The following VPS37B variants were observed in gnomAD, a reference collection of about 807,000 sequenced individuals.
The protein encoded by VPS37B is vacuolar protein sorting-associated protein 37B.
Under a neutral mutation model 21.2 loss-of-function variants are expected in VPS37B, and 11 were observed. The ratio of observed to expected loss-of-function variants is 0.52; its 90% CI spans 0.33 to 0.86. VPS37B has a LOEUF of 0.86. Among genes scored for constraint, VPS37B ranks in the 40% least tolerant of loss-of-function variants. The pLI is 0.03. For missense variants in VPS37B, 389 were observed against 374.8 expected (o/e 1.04, Z -0.31); for synonymous variants, 175 against 159.6 (o/e 1.10, Z -0.73).
At chr12:122,874,883 G>C (rs1478242027) in intron 1 of VPS37B, 1 of 146,300 alleles carries the variant, frequency 6.8e-6, no homozygotes, top group African/African-American at 2.5e-5. Context: ...GGAGGCAGAG[G>C]TTGCAGTGAG....
chr12:122,876,043 A>G (rs1320161105), intron 1 of VPS37B: 1 of 152,188 alleles, frequency 6.6e-6, no homozygotes, highest in Admixed American at 6.5e-5. Context: ...ACTCAGTTTC[A>G]CTTCAGTTTC....
chr12:122,888,953 T>A (rs374309824), intron 1 of VPS37B: 3 of 193,492 alleles, frequency 1.6e-5, no homozygotes, highest in East Asian at 1.5e-4. Flanking sequence ...CCGGCCTCAA[T>A]GACTCCCTCC....
At chr12:122,886,332 C>G (rs1346227917) in intron 1 of VPS37B, 1 of 152,222 alleles carries the variant, frequency 6.6e-6, no homozygotes, top group Non-Finnish European at 1.5e-5. Context: ...AGAAACAAAA[C>G]CTCTCTTGGC....
intron 1 of VPS37B, among the ~76,000 whole-genome samples, chr12:122,893,464 T>C (rs2034445289): frequency 4.4e-5 from 1 of 22,632 alleles, no homozygotes; most frequent in Admixed American, 6.5e-4. Flanking sequence ...AATGTTCCAT[T>C]TGGTCAACAG....
intron 1 of VPS37B, chr12:122,871,715 G>A (rs981907604): frequency 1.2e-5 from 12 of 984,070 alleles, no homozygotes; most frequent in African/African-American, 1.7e-5. Flanking sequence ...ATTTCATTTT[G>A]TCCTTTAAAG....
chr12:122,891,331 C>G (rs2034407692), intron 1 of VPS37B, among the ~76,000 whole-genome samples: 1 of 152,212 alleles, frequency 6.6e-6, no homozygotes, highest in South Asian at 2.1e-4. Context: ...TGAATGCTTC[C>G]TCTGTACCAT....
intron 1 of VPS37B, among the ~76,000 whole-genome samples, chr12:122,893,823 CAAAAAA>C (rs67994180): frequency 0.33 from 44,637 of 135,078 alleles, 7,884 homozygotes; most frequent in East Asian, 0.54. Context: ...CACTTTTACT[CAAAAAA>C]AAAAAAAAAA....
intron 1 of VPS37B, chr12:122,881,814 A>G (rs2135707190): frequency 6.6e-6 from 1 of 152,332 alleles, no homozygotes; most frequent in Middle Eastern, 3.4e-3. Flanking sequence ...TTTTAAAAAA[A>G]CCTTTTATAG....
At chr12:122,874,534 G>GA (rs1464359222) in intron 1 of VPS37B, 1 of 152,184 alleles carries the variant, frequency 6.6e-6, no homozygotes, top group African/African-American at 2.4e-5. Context: ...AGAACACAAG[G>GA]AAAGCGTGGA....
rs766449712 is a variant in VPS37B, at chr12:122,871,098, A to G, written c.112-37T>C. The G allele has an allele frequency of 3.1e-6, 5 of 1,607,952 alleles. No homozygotes were observed. The African/African-American group carries it at 4.0e-5, about 13-fold the overall frequency. ...ACACAAGATGATGAGAACCAAAAGT[A>G]TATCAGCTCCTAAACCCCTGAGGTC... On this transcript the variant is annotated intron_variant, in intron 1 of 3. Transcript: ENST00000267202.
chr12:122,868,671 A>G lies in VPS37B; in HGVS notation c.284-109T>C. ...CTTCCTTTCCAGGAAGCTGAATGTG[A>G]AAGGCTTGAAAACCTACAGGGGAAC... On this transcript the variant is annotated intron_variant, in intron 2 of 3. Coordinates refer to ENST00000267202, the MANE Select transcript of VPS37B (RefSeq NM_024667.3). This position sits in a 1 kb window ranked among gnomAD's most constrained non-coding sequence, Gnocchi z 5.5. The G allele has an allele frequency of 1.0e-6, 1 of 969,254 alleles. No homozygotes were observed. The highest frequency in any genetic ancestry group is 2.6e-5 in the East Asian group (1 of 37,806). The allele number at this position is 969,254 out of a possible 1,614,324, so 60.0% of individuals were successfully genotyped here.
At position 122,870,938 on chromosome 12, in the gene VPS37B, C is replaced by G. The variant is rs1271916221; in HGVS notation, c.235G>C (p.Glu79Gln). Reference sequence around the variant, plus strand: ...TAGGCTTCAAAGAGAACCTGGAGTTCCTGGTATTTCTGGGTCAAGCGTGCT... The same window carrying G: ...TAGGCTTCAAAGAGAACCTGGAGTTGCTGGTATTTCTGGGTCAAGCGTGCT... ...LKARLTQKYQ[E>Q]LQVLFEAYQI... The change falls in exon 2 of 4, where the codon GAA becomes CAA. Residue 79 changes from glutamate (E) to glutamine (Q), a missense_variant. By Grantham distance (29) the Glu-to-Gln change is conservative (BLOSUM62 2). Transcript: ENST00000267202. The G allele has an allele frequency of 6.2e-7, 1 of 1,614,136 alleles. No individual in the cohort carries two copies. Among genetic ancestry groups the G allele is most frequent in the East Asian group, 2.2e-5 (1 of 44,882 alleles).
rs529466065 is a variant in VPS37B at position 122,872,259 on chromosome 12, G to A, written c.112-1198C>T. The A allele has an allele frequency of 1.0e-5, 10 of 985,422 alleles. No individual in the cohort carries two copies. In the East Asian group the frequency reaches 1.0e-3, roughly 101 times the overall value. The allele number at this position is 985,422 out of a possible 1,614,324, so 61.0% of individuals were successfully genotyped here. ...GAGCCTCAGGGAATCAGAGAACAAA[G>A]AAAGAAGCCCTTGGATCCATGCCTC... On this transcript the variant is annotated intron_variant, in intron 1 of 3. Coordinates refer to ENST00000267202, the MANE Select transcript of VPS37B (RefSeq NM_024667.3).
chr12:122,871,545 G>A (rs1245329901), intron 1 of VPS37B: 1 of 985,772 alleles, frequency 1.0e-6, no homozygotes, highest in East Asian at 1.1e-4. Context: ...GCAAGCTGAA[G>A]AGACCCTGGG....
In VPS37B at chr12:122,866,515, T is replaced by C. The variant is rs1442840344; in HGVS notation, c.*601A>G. On this transcript the variant is annotated 3_prime_UTR_variant, in exon 4 of 4. Transcript: ENST00000267202. ...AGTGGCCGTTCTCCGGCCTCTGGAC[T>C]CGGCAGTGGGCCCAGTGCAAACTTT... 6.6e-6 allele frequency: 1 copy of C among 152,544 alleles called. No individual in the cohort carries two copies. The highest frequency in any genetic ancestry group is 2.4e-5 in the African/African-American group (1 of 41,458). 9.4% of individuals were successfully genotyped at this position (152,544 alleles called of 1,614,324 possible).
chr12:122,887,426 C>T (rs1223190616), intron 1 of VPS37B: 1 of 152,410 alleles, frequency 6.6e-6, no homozygotes, highest in African/African-American at 2.4e-5. Context: ...CCCACTACAC[C>T]CTGCCCTGGT....
At chr12:122,891,037 TCTTA>T (rs1424178272) in intron 1 of VPS37B, among the ~76,000 whole-genome samples, 3 of 152,356 alleles carry the variant, frequency 2.0e-5, no homozygotes, top group South Asian at 2.1e-4. Context: ...ATATTAGGCA[TCTTA>T]CTTATTTCAT....
intron 2 of VPS37B, among the ~76,000 whole-genome samples, chr12:122,869,173 G>GTGCC (rs1314718732): frequency 8.5e-5 from 13 of 152,222 alleles, no homozygotes; most frequent in Non-Finnish European, 1.8e-4. Context: ...CAGACTTTAT[G>GTGCC]TGCCCATCAC....
Position 122,872,139 on chromosome 12 carries a change from C to T in VPS37B, c.112-1078G>A. ...GCTCGAGTATAGATTCCTGGCCATGCTGCCTCTGCTCCCCACCCCCAGTCA... is the reference window on the plus strand; with the variant it reads ...GCTCGAGTATAGATTCCTGGCCATGTTGCCTCTGCTCCCCACCCCCAGTCA... On this transcript the variant is annotated intron_variant, in intron 1 of 3. Transcript: ENST00000267202. The T allele has an allele frequency of 3.0e-6, 3 of 985,546 alleles. No individual in the cohort carries two copies. In the South Asian group the frequency reaches 1.4e-4, roughly 46 times the overall value. The allele number at this position is 985,546 out of a possible 1,614,324, so 61.1% of individuals were successfully genotyped here.
Sources: allele counts gnomAD v4.1 joint callset (sites outside exome capture counted in the v4.1 genomes callset), GRCh38; gene constraint gnomAD v4.1.1; non-coding constraint Gnocchi (gnomAD v3.1); transcripts MANE v1.5; gene names NCBI Gene and HGNC (gene_info 2026-07-23, HGNC 2026-07-21).